ZFHX4: variants seen among roughly 807,000 people sequenced by gnomAD.
The protein encoded by ZFHX4 is zinc finger homeobox protein 4.
In ZFHX4, 56 loss-of-function variants were observed where a neutral mutation model predicts 267.6. That is an observed-to-expected ratio of 0.21 (90% CI 0.17 to 0.26). The LOEUF is 0.26. Ranked by LOEUF, ZFHX4 falls within the 10% of genes least tolerant of loss-of-function variation. The probability of loss-of-function intolerance (pLI) is 1.00; values close to 1 mark genes in which losing one functional copy is unlikely to be tolerated. For missense variants in ZFHX4, 4,332 were observed against 4,420.0 expected (o/e 0.98, Z 0.56); for synonymous variants, 1,778 against 1,665.6 (o/e 1.07, Z -1.64).
chr8:76,857,728 T>C (rs988989192), intron 10 of ZFHX4, among the ~76,000 whole-genome samples: 3 of 152,162 alleles, frequency 2.0e-5, no homozygotes, highest in Non-Finnish European at 4.4e-5. Flanking sequence ...ACTTTGGGCT[T>C]CATTATCTAG....
chr8:76,779,195 TC>T, intron 4 of ZFHX4, among the ~76,000 whole-genome samples: 1 of 152,308 alleles, frequency 6.6e-6, no homozygotes, highest in South Asian at 2.1e-4. Flanking sequence ...CAAAGGTGGT[TC>T]AGGGTTTGGG....
intron 4 of ZFHX4, among the ~76,000 whole-genome samples, chr8:76,783,039 C>T (rs1426919335): frequency 6.6e-6 from 1 of 151,998 alleles, no homozygotes; most frequent in Non-Finnish European, 1.5e-5. Context: ...GTCTCTTATT[C>T]CTACCATTGT....
chr8:76,789,866 T>TGAA (rs1313306077), intron 4 of ZFHX4, among the ~76,000 whole-genome samples: 2 of 152,156 alleles, frequency 1.3e-5, no homozygotes. Context: ...TTTTCAGATA[T>TGAA]GAATGCACGA....
At chr8:76,804,877 G>A (rs1256903054) in intron 4 of ZFHX4, among the ~76,000 whole-genome samples, 8 of 151,994 alleles carry the variant, frequency 5.3e-5, no homozygotes, top group Non-Finnish European at 1.0e-4. Context: ...GGGTTAGATC[G>A]AAGCACAGCT....
intron 3 of ZFHX4, among the ~76,000 whole-genome samples, chr8:76,731,586 C>T (rs1809012616): frequency 6.6e-6 from 1 of 151,982 alleles, no homozygotes; most frequent in Non-Finnish European, 1.5e-5. Flanking sequence ...TTCTTTCCTC[C>T]TCAGTCTGTG....
At chr8:76,711,101 C>G (rs1273863167) in intron 3 of ZFHX4, among the ~76,000 whole-genome samples, 1 of 152,018 alleles carries the variant, frequency 6.6e-6, no homozygotes, top group Non-Finnish European at 1.5e-5. Context: ...TGTTGATGAT[C>G]TTTCCATATG....
At chr8:76,683,981 A>G (rs1220530427) in intron 1 of ZFHX4, 1 of 151,798 alleles carries the variant, frequency 6.6e-6, no homozygotes, top group Non-Finnish European at 1.5e-5. Flanking sequence ...GGTGCCATCA[A>G]CACTTGTTTT....
rs117445943 is a variant in ZFHX4, at chr8:76,738,862, G to C, written c.3093+30814G>C. On this transcript the variant is annotated intron_variant, in intron 3 of 10. Transcript: ENST00000651372. The stretch of plus-strand genomic sequence containing the variant: ...CCCCAGTAGCTGGGACCACTGGCAT[G>C]CGCCACCAAGCCCAGCTAATTTTTG... 7.8e-4 allele frequency among the ~76,000 whole-genome samples: 119 copies of C among 152,024 alleles called. No homozygotes were observed. In the East Asian group the frequency reaches 0.021, roughly 27 times the overall value.
At position 76,852,952 on chromosome 8, in the gene ZFHX4, C is replaced by G. The variant is rs1282689488; in HGVS notation, c.6031C>G (p.Pro2011Ala). The change falls in exon 10 of 11, where the codon CCC becomes GCC. Residue 2011 changes from proline to alanine, a missense_variant. This residue lies in a region of ZFHX4 where 1,371 missense variants were observed against 1,423.1 expected (regional missense o/e 0.96). Transcript: ENST00000651372. ...GCCGCCCCCGCCACCTCCTCCTCCT[C>G]CCTTGCCTCCGGCTCCTCCACAGCC... ...ETPPPPPPPP[P>A]LPPAPPQPSS... The G allele has an allele frequency of 5.1e-6, 8 of 1,573,808 alleles. No individual in the cohort carries two copies. Among genetic ancestry groups the G allele is most frequent in the South Asian group, 1.2e-5 (1 of 86,634 alleles).
At chr8:76,738,538 A>G (rs1241163522) in intron 3 of ZFHX4, among the ~76,000 whole-genome samples, 2 of 152,072 alleles carry the variant, frequency 1.3e-5, no homozygotes, top group African/African-American at 4.8e-5. Context: ...TTGTCTATCC[A>G]TATTTCTTGT....
intron 3 of ZFHX4, among the ~76,000 whole-genome samples, chr8:76,715,375 G>A (rs920187383): frequency 5.3e-5 from 8 of 150,936 alleles, no homozygotes; most frequent in African/African-American, 1.7e-4. Context: ...CCAGCTACTC[G>A]GGAGGCTGAG....
chr8:76,824,686 C>T (rs1585982585), intron 4 of ZFHX4, among the ~76,000 whole-genome samples: 3 of 152,268 alleles, frequency 2.0e-5, no homozygotes, highest in Admixed American at 2.0e-4. Flanking sequence ...AATCCTCCTG[C>T]CTCAGCCTCT....
chr8:76,786,383 GAAGTTAGAC>G (rs1217880735), intron 4 of ZFHX4, among the ~76,000 whole-genome samples: 1 of 150,176 alleles, frequency 6.7e-6, no homozygotes, highest in Non-Finnish European at 1.5e-5. Context: ...TATCTAGTAT[GAAGTTAGAC>G]ATCGATGATC....
At position 76,866,995 on chromosome 8, in the gene ZFHX4, A is replaced by T. The variant is rs572206385; in HGVS notation, c.*2430A>T. 1 of 152,608 alleles carries T rather than the reference A, an allele frequency of 6.6e-6. No individual in the cohort carries two copies. The highest frequency in any genetic ancestry group is 1.9e-4 in the East Asian group (1 of 5,186). 9.5% of individuals were successfully genotyped at this position (152,608 alleles called of 1,614,324 possible). A position where few individuals can be genotyped will look rare whatever the true frequency, so the allele number is the denominator to read the frequency against. ...AAATGCACCCTGAGGTTTTAATAAA[A>T]GCCCCTATGGCTATAACTTTAAATA... On this transcript the variant is annotated 3_prime_UTR_variant, in exon 11 of 11. Transcript: ENST00000651372.
intron 4 of ZFHX4, among the ~76,000 whole-genome samples, chr8:76,828,866 T>A (rs1415092728): frequency 2.0e-5 from 3 of 152,258 alleles, no homozygotes; most frequent in African/African-American, 7.2e-5. Context: ...TTTACTATTT[T>A]ACACCAGTTG....
intron 4 of ZFHX4, among the ~76,000 whole-genome samples, chr8:76,819,402 G>C (rs1811587782): frequency 6.6e-6 from 1 of 152,018 alleles, no homozygotes; most frequent in Admixed American, 6.6e-5. Context: ...CTATTCTTTT[G>C]GAACTTCCGT....
rs192355194 is a variant in ZFHX4, at chr8:76,704,255, G to T, written c.167G>T (p.Arg56Leu). 6 of 1,613,866 alleles carry T rather than the reference G, an allele frequency of 3.7e-6. No homozygotes were observed. In the African/African-American group the frequency reaches 6.7e-5, roughly 18 times the overall value. The change falls in exon 2 of 11, where the codon CGC becomes CTC. Residue 56 changes from arginine (R) to leucine (L), a missense_variant. By Grantham distance (102) the Arg-to-Leu change is moderately radical (BLOSUM62 -2). Around this residue, in one of 7 missense-constraint regions of ZFHX4, gnomAD observed 1,195 missense variants for 1,173.6 expected, o/e 1.02. Coordinates refer to ENST00000651372, the MANE Select transcript of ZFHX4 (RefSeq NM_024721.5). The part of the protein sequence containing the change: ...STDDNLKTDE[R>L]KSEALLGFSV... ...GATGACAACCTGAAAACGGATGAGC[G>T]CAAAAGTGAAGCCTTGCTGGGTTTC...
chr8:76,683,082 C>A (rs1173374721), intron 1 of ZFHX4: 1 of 152,318 alleles, frequency 6.6e-6, no homozygotes, highest in Non-Finnish European at 1.5e-5. Context: ...TCCTTTCGGC[C>A]GCTCGGGCTG....
intron 4 of ZFHX4, among the ~76,000 whole-genome samples, chr8:76,794,014 G>A (rs1257082396): frequency 2.0e-5 from 3 of 152,054 alleles, no homozygotes; most frequent in African/African-American, 7.2e-5. Context: ...TTTCTCTTCT[G>A]ACTCATAAGC....
Sources: gnomAD v4.1 joint callset for allele counts (sites outside exome capture counted in the v4.1 genomes callset) on GRCh38, gnomAD v4.1.1 for gene constraint, gnomAD v4.1.1 regional missense constraint, MANE v1.5 for transcripts, NCBI Gene and HGNC (gene_info 2026-07-23, HGNC 2026-07-21) for gene names.